Variants in MSLN observed in about 807,000 individuals in gnomAD.
MSLN encodes CAK1 antigen.
Under a neutral mutation model 72.6 loss-of-function variants are expected in MSLN, and 82 were observed. That is an observed-to-expected ratio of 1.13 (90% confidence interval 0.94 to 1.36). MSLN has a LOEUF of 1.36. MSLN is among the 40% of genes most tolerant of loss of function. The probability of loss-of-function intolerance (pLI) is 0.00; values close to 1 mark genes in which losing one functional copy is unlikely to be tolerated. For missense variants in MSLN, 1,005 were observed against 847.9 expected (o/e 1.19, Z -2.30); for synonymous variants, 456 against 387.3 (o/e 1.18, Z -2.08).
intron 15 of MSLN, 150 bp downstream of exon 15, chr16:767,162 C>A: frequency 7.4e-7 from 1 of 1,350,346 alleles, no homozygotes; most frequent in Non-Finnish European, 1.0e-6. Flanking sequence ...GTGTGTATGG[C>A]CTTAGGGGCT....
chr16:766,333 A>G lies in MSLN; in HGVS notation c.1075-2A>G. The G allele has an allele frequency of 6.2e-7, 1 of 1,612,562 alleles. No homozygotes were observed. The highest frequency in any genetic ancestry group is 8.5e-7 in the Non-Finnish European group (1 of 1,179,820). On this transcript the variant is annotated splice_acceptor_variant, in intron 12 of 17. Transcript: ENST00000545450. LOFTEE classifies it high-confidence loss of function. ...GGGCCCTCCTGGTCTCTTGGCCTGC[A>G]GCTCTACCCACAAGGTTACCCCGAG...
rs1188228498 is a variant in MSLN at position 767,357 on chromosome 16, C to A, written c.1502-19C>A. The stretch of plus-strand genomic sequence containing the variant: ...GTGTGAGGTGAGGCCTCAGCTCGGG[C>A]CCCTCTCCCGGCGGGCAGGTGGGGC... On this transcript the variant is annotated intron_variant, in intron 15 of 17. Transcript: ENST00000545450. 1.2e-6 allele frequency: 2 copies of A among 1,607,818 alleles called. No individual in the cohort carries two copies. Among genetic ancestry groups the A allele is most frequent in the African/African-American group, 1.3e-5 (1 of 74,570 alleles).
chr16:763,750 G>C, intron 5 of MSLN, 59 bp downstream of exon 5: 2 of 623,198 alleles, frequency 3.2e-6, no homozygotes, highest in Non-Finnish European at 3.8e-6. Context: ...TCGGGACTGA[G>C]GGTGGGCAGG....
chr16:764,626 C>T, intron 6 of MSLN, 21 bp from the exon 7 acceptor site: 2 of 1,608,012 alleles, frequency 1.2e-6, no homozygotes, highest in Non-Finnish European at 1.7e-6. Flanking sequence ...ACGCTCTGTG[C>T]TGGACTCCCT....
chr16:762,823 AG>A, intron 3 of MSLN, 58 bp downstream of exon 3: 2 of 1,392,876 alleles, frequency 1.4e-6, no homozygotes, highest in Non-Finnish European at 1.9e-6. Flanking sequence ...CTTGGGGGCC[AG>A]GCCCCCAGCA....
chr16:763,138 T>C (rs1596689281), intron 3 of MSLN, 95 bp from the exon 4 acceptor site: 1 of 791,466 alleles, frequency 1.3e-6, no homozygotes, highest in Non-Finnish European at 2.1e-6. Context: ...GGGCTGGCTG[T>C]GGGGGCGGCC....
At position 764,683 on chromosome 16, in the gene MSLN, G is replaced by A. The variant is rs150589803; in HGVS notation, c.337G>A (p.Glu113Lys). 5.3e-3 allele frequency: 8,615 copies of A among 1,612,358 alleles called. 33 individuals carry two copies. The highest frequency in any genetic ancestry group is 6.7e-3 in the Non-Finnish European group (7,905 of 1,179,800). The change falls in exon 7 of 18, where the codon GAG becomes AAG. Residue 113 changes from glutamate (E) to lysine (K), a missense_variant. By Grantham distance (56) the Glu-to-Lys change is moderately conservative. Transcript: ENST00000545450. ...GGCTCACCGGCTCTCTGAGCCCCCC[G>A]AGGACCTGGACGCCCTCCCATTGGA... is the stretch of plus-strand genomic sequence containing the variant. ...CLAHRLSEPPEDLDALPLDLL... is the reference protein window; with the variant it reads ...CLAHRLSEPPKDLDALPLDLL...
intron 3 of MSLN, among the ~76,000 whole-genome samples, 199 bp downstream of exon 3, chr16:762,964 G>T (rs2041555092): frequency 6.6e-6 from 1 of 152,324 alleles, no homozygotes; most frequent in Middle Eastern, 3.4e-3. Flanking sequence ...GACACAGTGG[G>T]GATGTCTGTG....
chr16:766,985 T>C lies in MSLN; in HGVS notation c.1474T>C (p.Tyr492His). The change falls in exon 15 of 18, where the codon TAC becomes CAC. Residue 492 changes from tyrosine (Y) to histidine (H), a missense_variant. Tyr to His is a moderately conservative substitution (Grantham distance 83). Coordinates refer to ENST00000545450, the MANE Select transcript of MSLN (RefSeq NM_005823.6). Reference protein sequence around the residue: ...LAFQNMNGSEYFVKIQSFLGG... With the variant: ...LAFQNMNGSEHFVKIQSFLGG... ...TTTCCAGAACATGAACGGGTCCGAA[T>C]ACTTCGTGAAGATCCAGTCCTTCCT... 1 of 1,612,618 alleles carries C rather than the reference T, an allele frequency of 6.2e-7. No individual in the cohort carries two copies. Among genetic ancestry groups the C allele is most frequent in the Non-Finnish European group, 8.5e-7 (1 of 1,179,864 alleles).
intron 16 of MSLN, 26 bp from the exon 17 acceptor site, chr16:768,353 T>C (rs1202098630): frequency 2.7e-6 from 4 of 1,499,678 alleles, no homozygotes; most frequent in Admixed American, 2.3e-5. Context: ...AGACCCTCCT[T>C]GATGGCTGCC....
intron 3 of MSLN, 82 bp downstream of exon 3, chr16:762,847 C>A: frequency 8.5e-7 from 1 of 1,179,610 alleles, no homozygotes; most frequent in Non-Finnish European, 1.2e-6. Context: ...GCTTTGCCTG[C>A]CCCTGCCTTC....
At chr16:762,499 G>A (rs2041548062) in intron 2 of MSLN, 173 bp from the exon 3 acceptor site, 9 of 606,790 alleles carry the variant, frequency 1.5e-5, no homozygotes, top group South Asian at 7.5e-5. Flanking sequence ...GCCAGTCCAG[G>A]GGACAGAGGG....
At position 766,184 on chromosome 16, in the gene MSLN, G is replaced by A. The variant is rs757252053; in HGVS notation, c.1021G>A (p.Ala341Thr). 28 of 1,612,424 alleles carry A rather than the reference G, an allele frequency of 1.7e-5. 1 individual carries two copies. The highest frequency in any genetic ancestry group is 1.2e-4 in the South Asian group (11 of 91,090). Residue 341 changes from alanine to threonine, a missense_variant, in exon 12 of 18, where the codon GCC becomes ACC. Transcript: ENST00000545450. Reference protein sequence around the residue: ...LLATQMDRVNAIPFTYEQLDV... With the variant: ...LLATQMDRVNTIPFTYEQLDV... ...GGCCACCCAGATGGACCGCGTGAAC[G>A]CCATCCCCTTCACCTACGAGCAGCT...
At position 762,451 on chromosome 16, in the gene MSLN, C is replaced by T. The variant is rs191094716; in HGVS notation, c.-9-221C>T. ...CTCCTGGGCTGTCTGGGCTGGGGACCGGGATCTCAGACCCAGCCCCTCCCC... is the reference window on the plus strand; with the variant it reads ...CTCCTGGGCTGTCTGGGCTGGGGACTGGGATCTCAGACCCAGCCCCTCCCC... On this transcript the variant is annotated intron_variant, in intron 2 of 17. Transcript: ENST00000545450. 1.6e-3 allele frequency: 849 copies of T among 547,390 alleles called. 2 individuals are homozygous for T. The highest frequency in any genetic ancestry group is 2.7e-4 in the Non-Finnish European group (82 of 309,198). The allele number at this position is 547,390 out of a possible 1,614,324, so 33.9% of individuals were successfully genotyped here. A position where few individuals can be genotyped will look rare whatever the true frequency, so the allele number is the denominator to read the frequency against.
Position 765,917 on chromosome 16 carries a change from G to A in MSLN, c.895+127G>A, listed in dbSNP as rs371712086. 9.8e-6 allele frequency: 13 copies of A among 1,320,542 alleles called. No individual in the cohort carries two copies. The East Asian group carries it at 3.0e-4, about 31-fold the overall frequency. 81.8% of individuals were successfully genotyped at this position (1,320,542 alleles called of 1,614,324 possible). ...CATCCCATTATAATCACAGAGAGTG[G>A]ACAGAATCCCTGTTTGCCAGTGGGT... On this transcript the variant is annotated intron_variant, in intron 11 of 17. Coordinates refer to ENST00000545450, the MANE Select transcript of MSLN (RefSeq NM_005823.6).
rs201229665 is a variant in MSLN at position 765,692 on chromosome 16, G to C, written c.797G>C (p.Gly266Ala). The C allele has an allele frequency of 6.2e-7, 1 of 1,600,848 alleles. No homozygotes were observed. Among genetic ancestry groups the C allele is most frequent in the Middle Eastern group, 1.7e-4 (1 of 6,048 alleles). ...AGCCCAGGTCCTGCTCGTCCTCAGGGCATCGTGGCCGCGTGGCGGCAACGC... is the reference window on the plus strand; with the variant it reads ...AGCCCAGGTCCTGCTCGTCCTCAGGCCATCGTGGCCGCGTGGCGGCAACGC... ...GQPIIRSIPQ[G>A]IVAAWRQRSS... Residue 266 changes from glycine to alanine, a missense_variant and splice_region_variant, in exon 11 of 18, where the codon GGC (glycine) becomes GCC (alanine). Physicochemically the swap from Gly to Ala is moderately conservative, Grantham distance 60 (BLOSUM62 0). Transcript: ENST00000545450.
At chr16:765,357 A>AGCGTGAGGAC in intron 9 of MSLN, 54 bp downstream of exon 9, 1 of 1,486,288 alleles carries the variant, frequency 6.7e-7, no homozygotes, top group South Asian at 1.3e-5. Context: ...TGGTATCAGC[A>AGCGTGAGGAC]GCGTGAGGAC....
At chr16:765,906 C>T in intron 11 of MSLN, 116 bp downstream of exon 11, 1 of 1,326,514 alleles carries the variant, frequency 7.5e-7, no homozygotes, top group Non-Finnish European at 1.0e-6. Context: ...CCATTATAAT[C>T]ACAGAGAGTG....
intron 6 of MSLN, 135 bp from the exon 7 acceptor site, chr16:764,512 G>A (rs924039495): frequency 3.5e-6 from 3 of 847,096 alleles, no homozygotes; most frequent in South Asian, 1.4e-5. Context: ...GCTGCAGGCG[G>A]CCAGAGATCC....
Sources: allele counts gnomAD v4.1 joint callset (sites outside exome capture counted in the v4.1 genomes callset), GRCh38; gene constraint gnomAD v4.1.1; transcripts MANE v1.5; gene names NCBI Gene and HGNC (gene_info 2026-07-23, HGNC 2026-07-21).